The following NTM variants were observed in gnomAD, a reference collection of about 807,000 sequenced individuals.
The protein encoded by NTM is IgLON family member 2.
NTM carries 13 observed loss-of-function variants against 42.1 expected under a neutral mutation model. The observed-to-expected ratio is 0.31, with a 90% confidence interval of 0.20 to 0.49. The LOEUF (loss-of-function observed/expected upper bound fraction) is 0.49. NTM is among the 20% of genes least tolerant of loss of function. NTM has a pLI of 0.99. For missense variants in NTM, 373 were observed against 452.8 expected, an observed-to-expected ratio of 0.82 and a Z score of 1.60; for synonymous variants, 187 against 179.2, an observed-to-expected ratio of 1.04 and a Z score of -0.35.
chr11:132,143,881 T>C (rs747269976), intron 2 of NTM, among the ~76,000 whole-genome samples: 1 of 152,150 alleles, frequency 6.6e-6, no homozygotes, highest in African/African-American at 2.4e-5. Flanking sequence ...CCCTTAGGTG[T>C]AGTAAGAGAG....
At chr11:131,912,459 A>G (rs1343885199) in intron 2 of NTM, among the ~76,000 whole-genome samples, 2 of 152,154 alleles carry the variant, frequency 1.3e-5, no homozygotes, top group Admixed American at 6.5e-5. Context: ...TGTAAGGTAG[A>G]ATGATTCTAT....
intron 4 of NTM, among the ~76,000 whole-genome samples, chr11:132,261,060 A>G (rs1056370628): frequency 6.6e-6 from 1 of 152,182 alleles, no homozygotes; most frequent in African/African-American, 2.4e-5. Context: ...GGTCATGCAC[A>G]TGTCTGTTAG....
At chr11:132,327,598 C>T (rs1470885898) in intron 7 of NTM, among the ~76,000 whole-genome samples, 1 of 152,196 alleles carries the variant, frequency 6.6e-6, no homozygotes, top group Non-Finnish European at 1.5e-5. Context: ...AACCAGCCCT[C>T]CTCTGCCCAC....
chr11:131,696,942 G>A (rs60632068), intron 1 of NTM, among the ~76,000 whole-genome samples: 6,007 of 152,214 alleles, frequency 0.039, 419 homozygotes, highest in African/African-American at 0.14. Context: ...AAATCTTAAG[G>A]AATGTCACCT....
chr11:131,971,232 C>G (rs2063487903), intron 2 of NTM, among the ~76,000 whole-genome samples: 1 of 152,196 alleles, frequency 6.6e-6, no homozygotes, highest in Non-Finnish European at 1.5e-5. Flanking sequence ...TTAGTTTTCT[C>G]TAATCTCTGA....
chr11:131,673,320 T>C lies in NTM; in HGVS notation c.83-238244T>C, dbSNP rs76016444. On this transcript the variant is annotated intron_variant, in intron 1 of 8. Transcript: ENST00000683400. ...TTGACCAGTCCATTTCCACTAACTT[T>C]GTAGGATGCCTACCTTAGAGGACAA... 2.4e-3 allele frequency among the ~76,000 whole-genome samples: 361 copies of C among 152,254 alleles called. 1 individual carries two copies. Among genetic ancestry groups the C allele is most frequent in the African/African-American group, 8.2e-3 (340 of 41,552 alleles).
intron 1 of NTM, among the ~76,000 whole-genome samples, chr11:131,640,257 G>C (rs1011823461): frequency 1.3e-5 from 2 of 152,182 alleles, no homozygotes; most frequent in African/African-American, 4.8e-5. Context: ...GATGCTGGAA[G>C]GATAAATATG....
At chr11:131,871,373 C>A (rs1396892988) in intron 1 of NTM, among the ~76,000 whole-genome samples, 1 of 152,064 alleles carries the variant, frequency 6.6e-6, no homozygotes, top group Non-Finnish European at 1.5e-5. Flanking sequence ...TGTCTCAGAC[C>A]CTTTTTCCAA....
At chr11:132,123,832 C>A (rs1362427076) in intron 2 of NTM, among the ~76,000 whole-genome samples, 1 of 152,154 alleles carries the variant, frequency 6.6e-6, no homozygotes, top group East Asian at 1.9e-4. Flanking sequence ...TACGTGTGCA[C>A]AGCCTTCCCC....
chr11:131,658,261 T>C (rs1273493076), intron 1 of NTM, among the ~76,000 whole-genome samples: 1 of 152,236 alleles, frequency 6.6e-6, no homozygotes, highest in Non-Finnish European at 1.5e-5. Flanking sequence ...ACACATAGAA[T>C]GTGCTTGAGA....
At chr11:131,396,266 G>T (rs1397720199) in intron 1 of NTM, among the ~76,000 whole-genome samples, 1 of 152,106 alleles carries the variant, frequency 6.6e-6, no homozygotes, top group Non-Finnish European at 1.5e-5. Context: ...CAAGGATAAG[G>T]GTTAAATCTA....
chr11:131,441,192 T>C (rs923966883), intron 1 of NTM, among the ~76,000 whole-genome samples: 5 of 152,324 alleles, frequency 3.3e-5, no homozygotes, highest in Middle Eastern at 6.8e-3. Flanking sequence ...CAGCTCTTTT[T>C]GGTCATGCAG....
At chr11:132,019,151 T>G (rs1229699634) in intron 2 of NTM, among the ~76,000 whole-genome samples, 2 of 151,838 alleles carry the variant, frequency 1.3e-5, no homozygotes, top group Admixed American at 6.6e-5. Flanking sequence ...TTTCCCTAAT[T>G]TTTTTGTTTT....
chr11:132,212,299 T>C, intron 4 of NTM, 152 bp downstream of exon 4: 1 of 614,346 alleles, frequency 1.6e-6, no homozygotes, highest in Middle Eastern at 3.5e-4. Flanking sequence ...CAGAGAACGT[T>C]GATGTTCTCT....
intron 2 of NTM, among the ~76,000 whole-genome samples, chr11:131,946,248 T>C (rs2060334684): frequency 6.6e-6 from 1 of 152,134 alleles, no homozygotes; most frequent in Non-Finnish European, 1.5e-5. Flanking sequence ...GCTTCCTGCC[T>C]TTCCTCCTTA....
intron 3 of NTM, among the ~76,000 whole-genome samples, chr11:132,195,401 C>A (rs1321599113): frequency 6.6e-6 from 1 of 151,182 alleles, no homozygotes; most frequent in Non-Finnish European, 1.5e-5. Context: ...AATGTAATTC[C>A]TATCAAACTA....
intron 2 of NTM, among the ~76,000 whole-genome samples, chr11:132,120,123 ATT>A (rs10706865): frequency 1.8e-4 from 27 of 149,754 alleles, no homozygotes; most frequent in Non-Finnish European, 2.1e-4. Flanking sequence ...TCGGCTGATG[ATT>A]TTTTTTTTTT....
intron 1 of NTM, among the ~76,000 whole-genome samples, chr11:131,468,000 CT>C (rs759349030): frequency 6.6e-6 from 1 of 152,208 alleles, no homozygotes; most frequent in African/African-American, 2.4e-5. Flanking sequence ...CGTTCCAAAA[CT>C]TCTTGAGTCA....
At chr11:131,870,466 C>T (rs924534032) in intron 1 of NTM, among the ~76,000 whole-genome samples, 5 of 152,092 alleles carry the variant, frequency 3.3e-5, no homozygotes, top group Admixed American at 3.3e-4. Context: ...GCCCTTGTCC[C>T]GCCTGATGGG....
Sources: gnomAD v4.1 joint callset for allele counts (sites outside exome capture counted in the v4.1 genomes callset) on GRCh38, gnomAD v4.1.1 for gene constraint, MANE v1.5 for transcripts, NCBI Gene and HGNC (gene_info 2026-07-23, HGNC 2026-07-21) for gene names.